Variants in SHCBP1L observed in about 807,000 individuals in gnomAD.
The protein encoded by SHCBP1L is SHC binding and spindle associated 1 like.
SHCBP1L carries 67 observed loss-of-function variants against 62.5 expected under a neutral mutation model. The ratio of observed to expected loss-of-function variants is 1.07; its 90% CI spans 0.88 to 1.31. The LOEUF (loss-of-function observed/expected upper bound fraction) is 1.31. SHCBP1L is among the 40% of genes most tolerant of loss of function. The pLI is 0.00. For synonymous variants in SHCBP1L, 284 were observed against 289.4 expected (o/e 0.98, Z 0.19); for missense variants, 823 against 809.8 (o/e 1.02, Z -0.20).
intron 6 of SHCBP1L, among the ~76,000 whole-genome samples, chr1:182,912,748 C>T (rs1246891493): frequency 6.6e-6 from 1 of 151,834 alleles, no homozygotes; most frequent in Non-Finnish European, 1.5e-5. Flanking sequence ...GTCTCAAACT[C>T]CTGACCTCAA....
chr1:182,924,700 GGAAGAAAGAAAGAAA>G lies in SHCBP1L; in HGVS notation c.1182+4932_1182+4946del, dbSNP rs1275512904. ...AGAAAGGAAAGGAAAGGAAAGGAAA[GGAAGAAAGAAAGAAA>G]GAAAGAAAGAAAGAAAGAAAGAAAG... is the stretch of plus-strand genomic sequence containing the variant. On this transcript the variant is annotated intron_variant, in intron 6 of 9. Coordinates refer to ENST00000367547, the MANE Select transcript of SHCBP1L (RefSeq NM_030933.4). 4.1e-3 allele frequency among the ~76,000 whole-genome samples: 347 copies of G among 84,034 alleles called. 2 individuals are homozygous for G. Among genetic ancestry groups the G allele is most frequent in the Non-Finnish European group, 5.5e-3 (254 of 45,836 alleles). 55.1% of individuals were successfully genotyped at this position (84,034 alleles called of 152,430 possible). A position where few individuals can be genotyped will look rare whatever the true frequency, so the allele number is the denominator to read the frequency against.
At chr1:182,939,121 T>G (rs1211287678) in intron 5 of SHCBP1L, 55 bp downstream of exon 5, 1 of 1,389,424 alleles carries the variant, frequency 7.2e-7, no homozygotes. Context: ...AGTGCTATGA[T>G]AAAATAATAA....
chr1:182,939,260 G>T lies in SHCBP1L; in HGVS notation c.992C>A (p.Ala331Glu). ...TTTTTTCCAGCATTCAACAGCCTCT[G>T]CTGCAGATGGATCTTCTTTAATATT... The part of the protein sequence containing the change: ...QSNIKEDPSA[A>E]EAVECWKKYY... Residue 331 changes from alanine to glutamate, a missense_variant, in exon 5 of 10, where the codon GCA becomes GAA. Transcript: ENST00000367547. 1.2e-6 allele frequency: 2 copies of T among 1,613,850 alleles called. No homozygotes were observed. The highest frequency in any genetic ancestry group is 1.7e-6 in the Non-Finnish European group (2 of 1,179,898).
intron 6 of SHCBP1L, among the ~76,000 whole-genome samples, chr1:182,924,930 G>GAAA (rs1177625504): frequency 1.0e-4 from 10 of 99,012 alleles, no homozygotes; most frequent in African/African-American, 2.0e-4. Context: ...AAGGAAGGAA[G>GAAA]GAAGGAAGAA....
chr1:182,936,881 T>C (rs1361817414), intron 5 of SHCBP1L, among the ~76,000 whole-genome samples: 1 of 151,704 alleles, frequency 6.6e-6, no homozygotes, highest in East Asian at 1.9e-4. Context: ...AGACCCTGCC[T>C]CCACAAAAAT....
At chr1:182,911,581 G>A (rs1650189154) in intron 6 of SHCBP1L, among the ~76,000 whole-genome samples, 1 of 152,146 alleles carries the variant, frequency 6.6e-6, no homozygotes, top group South Asian at 2.1e-4. Flanking sequence ...TGTTTTAAGT[G>A]TGCACAAAGA....
chr1:182,933,265 C>T (rs578011939), intron 5 of SHCBP1L, among the ~76,000 whole-genome samples: 1 of 152,310 alleles, frequency 6.6e-6, no homozygotes, highest in East Asian at 1.9e-4. Context: ...ATATACAAGA[C>T]CATGTCATCT....
chr1:182,915,870 G>A (rs950486819), intron 6 of SHCBP1L, among the ~76,000 whole-genome samples: 1 of 149,428 alleles, frequency 6.7e-6, no homozygotes, highest in African/African-American at 2.5e-5. Context: ...GCAGTGGCGC[G>A]ATCTCGGCTC....
chr1:182,938,355 C>T (rs920144829), intron 5 of SHCBP1L, among the ~76,000 whole-genome samples: 13 of 152,092 alleles, frequency 8.5e-5, no homozygotes, highest in African/African-American at 2.7e-4. Context: ...CTGCCCACCT[C>T]GGCCTCCCAA....
chr1:182,929,014 T>A (rs945591033), intron 6 of SHCBP1L, among the ~76,000 whole-genome samples: 1 of 152,098 alleles, frequency 6.6e-6, no homozygotes, highest in Non-Finnish European at 1.5e-5. Context: ...AATGAAAACC[T>A]TGAAAGTATA....
intron 6 of SHCBP1L, among the ~76,000 whole-genome samples, chr1:182,924,702 A>AAGAAAGAAAGAC (rs1650629093): frequency 3.4e-5 from 1 of 29,230 alleles, no homozygotes; most frequent in Non-Finnish European, 5.8e-5. Flanking sequence ...AAAGGAAAGG[A>AAGAAAGAAAGAC]AGAAAGAAAG....
At chr1:182,948,301 A>G (rs1021677534) in intron 2 of SHCBP1L, among the ~76,000 whole-genome samples, 2 of 152,212 alleles carry the variant, frequency 1.3e-5, no homozygotes, top group Non-Finnish European at 2.9e-5. Context: ...ATCTGTGAAT[A>G]TGTTACCTTA....
chr1:182,948,282 C>T (rs1651629658), intron 2 of SHCBP1L, among the ~76,000 whole-genome samples: 1 of 152,210 alleles, frequency 6.6e-6, no homozygotes, highest in Admixed American at 6.5e-5. Flanking sequence ...CGTCCATTCC[C>T]TAATCCTAAT....
At position 182,924,914 on chromosome 1, in the gene SHCBP1L, GA is replaced by G. The variant is rs1209675081; in HGVS notation, c.1182+4732del. Among the ~76,000 whole-genome samples the G allele has an allele frequency of 2.1e-3, 207 of 98,018 alleles. 3 individuals are homozygous for G. The highest frequency in any genetic ancestry group is 6.6e-3 in the African/African-American group (149 of 22,500). 64.3% of individuals were successfully genotyped at this position (98,018 alleles called of 152,430 possible). ...GACAAAGAGAGAGAGAGAAAGAAAG[GA>G]AAGGAAGGAAGGAAGGAAGGAAGAA... On this transcript the variant is annotated intron_variant, in intron 6 of 9. Coordinates refer to ENST00000367547, the MANE Select transcript of SHCBP1L (RefSeq NM_030933.4).
At chr1:182,949,303 A>G (rs1156549428) in intron 2 of SHCBP1L, among the ~76,000 whole-genome samples, 1 of 152,002 alleles carries the variant, frequency 6.6e-6, no homozygotes, top group Non-Finnish European at 1.5e-5. Context: ...TCATAAAGCC[A>G]GATGAAAACC....
At chr1:182,930,338 G>T (rs1650920671) in intron 5 of SHCBP1L, among the ~76,000 whole-genome samples, 2 of 151,234 alleles carry the variant, frequency 1.3e-5, no homozygotes, top group South Asian at 4.2e-4. Flanking sequence ...TATGTTTCCT[G>T]TTCGTATCTC....
At chr1:182,941,897 C>CA (rs1160292578) in intron 2 of SHCBP1L, among the ~76,000 whole-genome samples, 3 of 151,802 alleles carry the variant, frequency 2.0e-5, no homozygotes, top group Non-Finnish European at 2.9e-5. Flanking sequence ...CTGGTTGTAC[C>CA]AAAAAATAAA....
At chr1:182,952,520 A>G in intron 1 of SHCBP1L, 1 of 541,732 alleles carries the variant, frequency 1.8e-6, no homozygotes, top group Non-Finnish European at 3.0e-6. Flanking sequence ...ATTTTGTCGG[A>G]AACTCGAACC....
At position 182,940,518 on chromosome 1, in the gene SHCBP1L, G is replaced by A. The variant is rs370485475; in HGVS notation, c.581C>T (p.Ser194Leu). 4 of 1,613,902 alleles carry A rather than the reference G, an allele frequency of 2.5e-6. No homozygotes were observed. The highest frequency in any genetic ancestry group is 3.4e-6 in the Non-Finnish European group (4 of 1,179,900). The change falls in exon 3 of 10, where the codon TCA becomes TTA. Residue 194 changes from serine to leucine, a missense_variant. Physicochemically the swap from Ser to Leu is moderately radical, Grantham distance 145 (BLOSUM62 -2). Coordinates refer to ENST00000367547, the MANE Select transcript of SHCBP1L (RefSeq NM_030933.4). ...AACAGTAACTTTGAAACGAGATGATGAGTCTTGGTATGGTTCACAAGTTAC... is the reference window on the plus strand; with the variant it reads ...AACAGTAACTTTGAAACGAGATGATAAGTCTTGGTATGGTTCACAAGTTAC... ...VEVTCEPYQD[S>L]SSRFKVTVSV...
Sources: allele counts gnomAD v4.1 joint callset (sites outside exome capture counted in the v4.1 genomes callset), GRCh38; gene constraint gnomAD v4.1.1; transcripts MANE v1.5; gene names NCBI Gene and HGNC (gene_info 2026-07-23, HGNC 2026-07-21).